Variants in CYP4B1 observed in about 807,000 individuals in gnomAD.
CYP4B1 encodes the protein cytochrome P450 family 4 subfamily B member 1, also known as cytochrome P450 4B1.
Under a neutral mutation model 54.0 loss-of-function variants are expected in CYP4B1, and 45 were observed. That is an observed-to-expected ratio of 0.83 (90% CI 0.66 to 1.07). CYP4B1 has a LOEUF of 1.07. Ranked by LOEUF, CYP4B1 falls within the 50% of genes least tolerant of loss-of-function variation. The pLI is 0.00. For synonymous variants in CYP4B1, 248 were observed against 247.5 expected (o/e 1.00, Z -0.02); for missense variants, 656 against 655.4 (o/e 1.00, Z -0.01).
chr1:46,816,940 C>T (rs149018405), intron 8 of CYP4B1, 108 bp from the exon 9 acceptor site: 8 of 1,321,514 alleles, frequency 6.1e-6, no homozygotes, highest in Non-Finnish European at 8.6e-6. Flanking sequence ...GCCTCTGACT[C>T]TTGAGTGTGT....
At chr1:46,814,432 A>C in intron 7 of CYP4B1, 117 bp downstream of exon 7, 2 of 739,534 alleles carry the variant, frequency 2.7e-6, no homozygotes, top group Non-Finnish European at 4.6e-6. Context: ...AGCAAATATA[A>C]CCTGTTCCTC....
intron 1 of CYP4B1, among the ~76,000 whole-genome samples, chr1:46,807,442 T>C (rs1242261004): frequency 6.6e-6 from 1 of 151,880 alleles, no homozygotes; most frequent in African/African-American, 2.4e-5. Context: ...CTGGTAGGGA[T>C]GGAGAGAAGG....
Position 46,799,123 on chromosome 1 carries a change from C to A in CYP4B1, c.42C>A (p.Gly14=). The change falls in exon 1 of 12, where the codon GGC becomes GGA. Residue 14 remains glycine, a synonymous_variant. Transcript: ENST00000371923. ...TCTCCCTGAGCTTCTCCTCCTTGGG[C>A]CTGTGGGCTTCTGGGCTGATCTTGG... ...SFLSLSFSSL[G]LWASGLILVL... The A allele has an allele frequency of 6.2e-7, 1 of 1,614,046 alleles. No individual in the cohort carries two copies. Among genetic ancestry groups the A allele is most frequent in the Non-Finnish European group, 8.5e-7 (1 of 1,179,986 alleles).
At chr1:46,803,953 T>C (rs45470393) in intron 1 of CYP4B1, among the ~76,000 whole-genome samples, 9,685 of 152,088 alleles carry the variant, frequency 0.064, 884 homozygotes, top group African/African-American at 0.2. Flanking sequence ...GGTTTGGAAA[T>C]GCTGGGTCTG....
intron 1 of CYP4B1, 69 bp downstream of exon 1, chr1:46,799,330 T>G: frequency 4.3e-6 from 6 of 1,393,748 alleles, no homozygotes; most frequent in East Asian, 2.5e-5. Flanking sequence ...TCAGGCCTAA[T>G]TCCCAGGGGG....
chr1:46,814,682 G>T, intron 7 of CYP4B1: 1 of 325,902 alleles, frequency 3.1e-6, no homozygotes, highest in Non-Finnish European at 5.7e-6. Context: ...TCTGACTCTG[G>T]GTCATTTCCG....
At chr1:46,800,121 TC>T (rs1161257774) in intron 1 of CYP4B1, among the ~76,000 whole-genome samples, 3 of 152,084 alleles carry the variant, frequency 2.0e-5, no homozygotes, top group Admixed American at 6.5e-5. Flanking sequence ...TTTCTTTCTT[TC>T]CCTCTCTTTT....
chr1:46,811,578 G>T (rs1342123892), intron 3 of CYP4B1, among the ~76,000 whole-genome samples: 2 of 152,236 alleles, frequency 1.3e-5, no homozygotes, highest in Admixed American at 6.5e-5. Flanking sequence ...GGCTGTCGGG[G>T]TGGCTACAAG....
At chr1:46,803,862 G>A (rs1315059389) in intron 1 of CYP4B1, among the ~76,000 whole-genome samples, 1 of 152,170 alleles carries the variant, frequency 6.6e-6, no homozygotes, top group Non-Finnish European at 1.5e-5. Flanking sequence ...TAGTTTTTGG[G>A]TGGGTGATGG....
intron 1 of CYP4B1, among the ~76,000 whole-genome samples, chr1:46,802,663 G>A (rs1388797721): frequency 6.6e-6 from 1 of 152,196 alleles, no homozygotes; most frequent in East Asian, 1.9e-4. Context: ...AGCAGTGTCT[G>A]ATCAACAACT....
At chr1:46,805,746 C>T (rs72886530) in intron 1 of CYP4B1, among the ~76,000 whole-genome samples, 2,570 of 152,322 alleles carry the variant, frequency 0.017, 56 homozygotes, top group African/African-American at 0.058. Context: ...GATGCTACAT[C>T]TTCTCCCTTT....
intron 1 of CYP4B1, among the ~76,000 whole-genome samples, chr1:46,807,270 G>C (rs1678898391): frequency 6.6e-6 from 1 of 152,228 alleles, no homozygotes; most frequent in Admixed American, 6.5e-5. Context: ...ACTGTCCCTT[G>C]TGGGGTTGCT....
chr1:46,816,630 A>G (rs1679343600), intron 8 of CYP4B1, among the ~76,000 whole-genome samples: 1 of 147,366 alleles, frequency 6.8e-6, no homozygotes. Context: ...TAATGCATCA[A>G]CTTTGGTTGG....
In CYP4B1 at chr1:46,800,315, CTT is replaced by C. The variant is rs576422493; in HGVS notation, c.180+1056_180+1057del. Among the ~76,000 whole-genome samples, 7 of 107,948 alleles carry C rather than the reference CTT, an allele frequency of 6.5e-5. 1 individual carries two copies. Among genetic ancestry groups the C allele is most frequent in the Admixed American group, 2.1e-4 (2 of 9,374 alleles). The allele number at this position is 107,948 out of a possible 152,430, so 70.8% of individuals were successfully genotyped here. On this transcript the variant is annotated intron_variant, in intron 1 of 11. Transcript: ENST00000371923. ...CTTCCTTCCTTCTTTCCTTCCTTCT[CTT>C]TCTCTCTCTCTCTTTCTTTCTTTCT...
intron 9 of CYP4B1, 113 bp downstream of exon 9, chr1:46,817,294 C>A: frequency 7.6e-7 from 1 of 1,311,222 alleles, no homozygotes; most frequent in South Asian, 1.4e-5. Flanking sequence ...GCTTTGCGTT[C>A]AGAGAGCCCT....
intron 1 of CYP4B1, 114 bp downstream of exon 1, chr1:46,799,375 T>G (rs1334800262): frequency 2.1e-6 from 2 of 967,602 alleles, no homozygotes; most frequent in African/African-American, 3.3e-5. Flanking sequence ...GGCAGGGGGA[T>G]GATGTCCTGG....
At chr1:46,817,419 G>A (rs1679380678) in intron 9 of CYP4B1, 3 of 559,816 alleles carry the variant, frequency 5.4e-6, no homozygotes, top group Non-Finnish European at 9.5e-6. Context: ...GCTGCTGTCA[G>A]GATTAAAGAG....
chr1:46,804,282 G>A (rs770998806), intron 1 of CYP4B1, among the ~76,000 whole-genome samples: 11 of 152,208 alleles, frequency 7.2e-5, no homozygotes, highest in South Asian at 2.1e-4. Flanking sequence ...GGATTCCTTA[G>A]CAAGATCAGC....
chr1:46,799,384 G>T, intron 1 of CYP4B1, 123 bp downstream of exon 1: 1 of 859,832 alleles, frequency 1.2e-6, no homozygotes, highest in African/African-American at 1.7e-5. Context: ...ATGATGTCCT[G>T]GGATCCATGG....
Sources: gnomAD v4.1 joint callset for allele counts (sites outside exome capture counted in the v4.1 genomes callset) on GRCh38, gnomAD v4.1.1 for gene constraint, MANE v1.5 for transcripts, NCBI Gene and HGNC (gene_info 2026-07-23, HGNC 2026-07-21) for gene names.